Variants in MUC13 observed in about 807,000 individuals in gnomAD.
MUC13 encodes the protein mucin-13.
Under a neutral mutation model 48.3 loss-of-function variants are expected in MUC13, and 32 were observed. The ratio of observed to expected loss-of-function variants is 0.66; its 90% CI spans 0.50 to 0.89. The LOEUF (loss-of-function observed/expected upper bound fraction) is 0.89, where lower values mean the gene tolerates loss of function less well. Among genes scored for constraint, MUC13 ranks in the 40% least tolerant of loss-of-function variants. The pLI is 0.00. For synonymous variants in MUC13, 199 were observed against 224.9 expected, an observed-to-expected ratio of 0.88 and a Z score of 1.03; for missense variants, 571 against 622.8, an observed-to-expected ratio of 0.92 and a Z score of 0.88.
At chr3:124,912,301 C>A in intron 8 of MUC13, 160 bp from the exon 9 acceptor site, 1 of 1,072,926 alleles carries the variant, frequency 9.3e-7, no homozygotes, top group Non-Finnish European at 1.3e-6. Flanking sequence ...CACTCTCATT[C>A]TTCCAGGAGA....
chr3:124,920,189 A>G (rs944463250), intron 5 of MUC13, 45 bp downstream of exon 5: 1 of 1,528,682 alleles, frequency 6.5e-7, no homozygotes, highest in Non-Finnish European at 9.0e-7. Flanking sequence ...CTCGGAAGTT[A>G]GACAGACACA....
rs763907849 is a variant in MUC13 at position 124,927,534 on chromosome 3, G to A, written c.512C>T (p.Thr171Ile). ...GTCTTTGAGGGAATTGTCCTTACCT[G>A]TGCTGTTTAGGGTGCTGGTCTCCAA... ...ALLETSTLNS[T>I]GPSNPCQDDP... Residue 171 changes from threonine to isoleucine, a missense_variant and splice_region_variant, in exon 2 of 12, where the codon ACA (threonine) becomes ATA (isoleucine). Thr to Ile is a moderately conservative substitution (Grantham distance 89). Coordinates refer to ENST00000616727, the MANE Select transcript of MUC13 (RefSeq NM_033049.4). 5 of 1,613,794 alleles carry A rather than the reference G, an allele frequency of 3.1e-6. No homozygotes were observed. The highest frequency in any genetic ancestry group is 4.2e-6 in the Non-Finnish European group (5 of 1,179,766).
In MUC13 at chr3:124,923,558, C is replaced by T. The variant is rs1483640457; in HGVS notation, c.606G>A (p.Gly202=). ...HNTSFCLCLE[G]YYYNSSTCKK... ...TACATGTAGAAGAGTTGTAGTAATA[C>T]CCTTCTAAACACAGGCAAAAACTTG... Residue 202 remains glycine, a synonymous_variant, in exon 3 of 12, where the codon GGG becomes GGA. Transcript: ENST00000616727. 6.2e-7 allele frequency: 1 copy of T among 1,613,712 alleles called. No homozygotes were observed. The highest frequency in any genetic ancestry group is 1.3e-5 in the African/African-American group (1 of 74,872).
intron 6 of MUC13, 94 bp downstream of exon 6, chr3:124,916,223 A>C: frequency 1.1e-6 from 1 of 907,348 alleles, no homozygotes; most frequent in South Asian, 1.7e-5. Flanking sequence ...TCAATGATGC[A>C]GTTCTTGTCT....
At chr3:124,917,742 G>C (rs1324577001) in intron 5 of MUC13, among the ~76,000 whole-genome samples, 1 of 139,994 alleles carries the variant, frequency 7.1e-6, no homozygotes, top group Non-Finnish European at 1.6e-5. Context: ...ATGGGATTTG[G>C]TGGGGCGGGG....
At chr3:124,925,730 C>T (rs1361396772) in intron 2 of MUC13, among the ~76,000 whole-genome samples, 1 of 152,226 alleles carries the variant, frequency 6.6e-6, no homozygotes, top group African/African-American at 2.4e-5. Flanking sequence ...ACTCCCACTT[C>T]AGCCTCCTGA....
At position 124,913,547 on chromosome 3, in the gene MUC13, A is replaced by C; in HGVS notation, c.1084+15T>G. ...GATGTTATGAAGAACATTTAGAAGC[A>C]GGTGAAACACTTACCAACGCAGAAA... On this transcript the variant is annotated intron_variant, in intron 7 of 11. Transcript: ENST00000616727. The C allele has an allele frequency of 1.9e-6, 3 of 1,613,860 alleles. No homozygotes were observed. Among genetic ancestry groups the C allele is most frequent in the African/African-American group, 1.3e-5 (1 of 75,080 alleles).
Position 124,927,751 on chromosome 3 carries a change from G to A in MUC13, c.295C>T (p.Pro99Ser). ...TCACTGTCTGCAGCAGTAGGTATAG[G>A]AATTGTGGAGGAACTATGTGTACTA... is the stretch of plus-strand genomic sequence containing the variant. ...IISTHSSSTI[P>S]IPTAADSEST... Residue 99 changes from proline (P) to serine (S), a missense_variant, in exon 2 of 12, where the codon CCT (proline) becomes TCT (serine). By Grantham distance (74) the Pro-to-Ser change is moderately conservative (BLOSUM62 -1). Coordinates refer to ENST00000616727, the MANE Select transcript of MUC13 (RefSeq NM_033049.4). 2 of 1,606,758 alleles carry A rather than the reference G, an allele frequency of 1.2e-6. No homozygotes were observed. Among genetic ancestry groups the A allele is most frequent in the Non-Finnish European group, 1.7e-6 (2 of 1,175,814 alleles).
rs1272150796 is a variant in MUC13, at chr3:124,906,392, C to A, written c.*351G>T. On this transcript the variant is annotated 3_prime_UTR_variant, in exon 12 of 12. Coordinates refer to ENST00000616727, the MANE Select transcript of MUC13 (RefSeq NM_033049.4). Reference sequence around the variant, plus strand: ...CCCAGGAGCAAGCAATGCTGGGGAGCTTTCCTCTAGATTGGAAATGGTTCT... The same window carrying A: ...CCCAGGAGCAAGCAATGCTGGGGAGATTTCCTCTAGATTGGAAATGGTTCT... 1 of 152,410 alleles carries A rather than the reference C, an allele frequency of 6.6e-6. No individual in the cohort carries two copies. The highest frequency in any genetic ancestry group is 1.5e-5 in the Non-Finnish European group (1 of 68,040). 9.4% of individuals were successfully genotyped at this position (152,410 alleles called of 1,614,324 possible).
At chr3:124,932,336 C>CAGGT (rs918859251) in intron 1 of MUC13, among the ~76,000 whole-genome samples, 20 of 152,218 alleles carry the variant, frequency 1.3e-4, no homozygotes, top group African/African-American at 4.8e-4. Context: ...GAGGCCAAGG[C>CAGGT]AGGTGGATCT....
At chr3:124,915,879 T>G (rs1318295348) in intron 6 of MUC13, among the ~76,000 whole-genome samples, 1 of 152,140 alleles carries the variant, frequency 6.6e-6, no homozygotes, top group African/African-American at 2.4e-5. Flanking sequence ...GATTTTGCCA[T>G]GTTGCCCAGG....
intron 1 of MUC13, among the ~76,000 whole-genome samples, chr3:124,934,360 A>C (rs1425173597): frequency 1.3e-5 from 2 of 152,136 alleles, no homozygotes; most frequent in African/African-American, 4.8e-5. Context: ...GAGTTTCACC[A>C]TGTTGGCCAG....
chr3:124,915,805 C>T (rs963560958), intron 6 of MUC13, among the ~76,000 whole-genome samples: 3 of 147,536 alleles, frequency 2.0e-5, no homozygotes, highest in African/African-American at 5.4e-5. Context: ...CCCACCTCAG[C>T]CTCCCAAGTA....
intron 5 of MUC13, among the ~76,000 whole-genome samples, chr3:124,916,859 T>C (rs892729528): frequency 2.0e-5 from 3 of 152,168 alleles, no homozygotes; most frequent in Non-Finnish European, 2.9e-5. Flanking sequence ...ACAGCAGCTG[T>C]TAAATCTCAG....
intron 1 of MUC13, among the ~76,000 whole-genome samples, chr3:124,929,989 G>C (rs955540397): frequency 6.6e-6 from 1 of 152,238 alleles, no homozygotes; most frequent in African/African-American, 2.4e-5. Context: ...AGCAGTGAGA[G>C]TGGCCAGGGG....
At chr3:124,913,051 G>A (rs1935450671) in intron 8 of MUC13, 60 bp downstream of exon 8, 1 of 1,588,840 alleles carries the variant, frequency 6.3e-7, no homozygotes, top group East Asian at 2.2e-5. Context: ...GTGTTGTAAG[G>A]TCTCTCTACT....
At chr3:124,933,582 C>T (rs1192710345) in intron 1 of MUC13, among the ~76,000 whole-genome samples, 2 of 152,170 alleles carry the variant, frequency 1.3e-5, no homozygotes, top group African/African-American at 4.8e-5. Context: ...TCCAATTATT[C>T]TCCCTAATAA....
chr3:124,911,271 C>T (rs1216991561), intron 9 of MUC13, among the ~76,000 whole-genome samples: 15 of 152,146 alleles, frequency 9.9e-5, no homozygotes, highest in Admixed American at 2.6e-4. Context: ...TGCTCTAGAC[C>T]TCTTCGTCTC....
intron 2 of MUC13, among the ~76,000 whole-genome samples, chr3:124,924,666 T>A (rs932473474): frequency 1.3e-5 from 2 of 152,176 alleles, no homozygotes; most frequent in Non-Finnish European, 2.9e-5. Context: ...ATACAAGGAA[T>A]TGGGCACAGA....
Sources: allele counts gnomAD v4.1 joint callset (sites outside exome capture counted in the v4.1 genomes callset), GRCh38; gene constraint gnomAD v4.1.1; transcripts MANE v1.5; gene names NCBI Gene and HGNC (gene_info 2026-07-23, HGNC 2026-07-21).